Variants in MAPKBP1 observed in about 807,000 individuals in gnomAD.
The protein encoded by MAPKBP1 is mitogen-activated protein kinase binding protein 1, also known as mitogen-activated protein kinase-binding protein 1.
In MAPKBP1, 71 loss-of-function variants were observed where a neutral mutation model predicts 170.5. The ratio of observed to expected loss-of-function variants is 0.42; its 90% CI spans 0.34 to 0.51. MAPKBP1 has a LOEUF of 0.51. MAPKBP1 is among the 20% of genes least tolerant of loss of function. MAPKBP1 has a pLI of 0.06. For synonymous variants in MAPKBP1, 719 were observed against 757.9 expected, an observed-to-expected ratio of 0.95 and a Z score of 0.84; for missense variants, 1,598 against 1,933.0, an observed-to-expected ratio of 0.83 and a Z score of 3.25.
chr15:41,775,006 C>CT, intron 1 of MAPKBP1, 161 bp from the exon 2 acceptor site: 1 of 463,718 alleles, frequency 2.2e-6, no homozygotes, highest in East Asian at 3.4e-5. Context: ...TTTTCCCCCC[C>CT]TTTTTCGTGA....
intron 6 of MAPKBP1, among the ~76,000 whole-genome samples, 178 bp from the exon 7 acceptor site, chr15:41,812,338 G>A (rs760323789): frequency 6.6e-6 from 1 of 152,196 alleles, no homozygotes; most frequent in Non-Finnish European, 1.5e-5. Context: ...TGCAGGAAAC[G>A]AATCTTTTCA....
chr15:41,775,421 A>G, intron 2 of MAPKBP1, 32 bp downstream of exon 2: 1 of 1,494,638 alleles, frequency 6.7e-7, no homozygotes, highest in Non-Finnish European at 9.3e-7. Flanking sequence ...CTCTTTCCAA[A>G]CCCACCCTCT....
At chr15:41,785,662 C>T (rs965124249) in intron 2 of MAPKBP1, among the ~76,000 whole-genome samples, 18 of 151,744 alleles carry the variant, frequency 1.2e-4, no homozygotes, top group East Asian at 3.9e-4. Context: ...TTAAATAACC[C>T]GTTATTTAAG....
At chr15:41,802,727 G>T (rs1415204227) in intron 3 of MAPKBP1, among the ~76,000 whole-genome samples, 1 of 152,178 alleles carries the variant, frequency 6.6e-6, no homozygotes, top group African/African-American at 2.4e-5. Context: ...GCCCTCCTTG[G>T]CCTCCCAAAG....
At chr15:41,814,795 T>A in intron 10 of MAPKBP1, 56 bp downstream of exon 10, 1 of 1,588,492 alleles carries the variant, frequency 6.3e-7, no homozygotes, top group Non-Finnish European at 8.6e-7. Context: ...GATACCATTT[T>A]GAGGACAGAA....
intron 8 of MAPKBP1, 185 bp downstream of exon 8, chr15:41,813,286 T>G (rs1281353527): frequency 6.5e-7 from 1 of 1,527,314 alleles, no homozygotes; most frequent in Admixed American, 1.7e-5. Flanking sequence ...CTGCCTCCTC[T>G]CTGCTCTTTC....
Position 41,819,399 on chromosome 15 carries a change from G to T in MAPKBP1, c.2425+20G>T. 6.2e-7 allele frequency: 1 copy of T among 1,613,234 alleles called. No individual in the cohort carries two copies. The highest frequency in any genetic ancestry group is 2.2e-5 in the East Asian group (1 of 44,872). On this transcript the variant is annotated intron_variant, in intron 21 of 30. Coordinates refer to ENST00000457542, the MANE Select transcript of MAPKBP1 (RefSeq NM_014994.3). ...CACTGGGTCTGTGGCAGTTGGGTGT[G>T]GGGGCAGACAGGCCCTAGTTGGTAT...
intron 8 of MAPKBP1, 127 bp downstream of exon 8, chr15:41,813,228 G>A (rs1305187863): frequency 2.0e-6 from 3 of 1,508,616 alleles, no homozygotes; most frequent in East Asian, 2.3e-5. Context: ...AACGAAGCTT[G>A]GGGGAGCTAG....
Position 41,823,812 on chromosome 15 carries a change from C to A in MAPKBP1, c.3964C>A (p.Pro1322Thr). Residue 1322 changes from proline to threonine, a missense_variant, in exon 29 of 31, where the codon CCT (proline) becomes ACT (threonine). Around this residue, in one of 6 missense-constraint regions of MAPKBP1, gnomAD observed 942 missense variants for 953.2 expected, o/e 0.99. Coordinates refer to ENST00000457542, the MANE Select transcript of MAPKBP1 (RefSeq NM_014994.3). Reference protein sequence around the residue: ...KGRAPGEAEKPGFPVGLGKAH... With the variant: ...KGRAPGEAEKTGFPVGLGKAH... ...CCGGGCCCCTGGCGAGGCAGAAAAG[C>A]CTGGCTTCCCGGTGGGCCTAGGAAA... 1 of 1,614,236 alleles carries A rather than the reference C, an allele frequency of 6.2e-7. No individual in the cohort carries two copies. The highest frequency in any genetic ancestry group is 8.5e-7 in the Non-Finnish European group (1 of 1,180,036).
At chr15:41,802,394 A>G (rs1306783757) in intron 3 of MAPKBP1, among the ~76,000 whole-genome samples, 1 of 152,128 alleles carries the variant, frequency 6.6e-6, no homozygotes, top group Non-Finnish European at 1.5e-5. Flanking sequence ...CATTTTATAA[A>G]CTTTTTTTTT....
At chr15:41,808,173 T>A (rs1254788548) in intron 3 of MAPKBP1, among the ~76,000 whole-genome samples, 2 of 146,962 alleles carry the variant, frequency 1.4e-5, no homozygotes, top group Non-Finnish European at 3.0e-5. Context: ...ATGGCGTGAT[T>A]TTGGCTTGCT....
Position 41,821,075 on chromosome 15 carries a change from C to T in MAPKBP1, c.2718+7C>T. 1.2e-6 allele frequency: 2 copies of T among 1,612,566 alleles called. No individual in the cohort carries two copies. Among genetic ancestry groups the T allele is most frequent in the Non-Finnish European group, 1.7e-6 (2 of 1,178,968 alleles). The stretch of plus-strand genomic sequence containing the variant: ...GACTTCACTCACTAGCCAGGTGAGC[C>T]TGCTTTCTCCCAGCTCTCTAGAGAG... On this transcript the variant is annotated splice_region_variant and intron_variant, in intron 23 of 30. Transcript: ENST00000457542.
At position 41,823,894 on chromosome 15, in the gene MAPKBP1, C is replaced by G. The variant is rs1334766853; in HGVS notation, c.4046C>G (p.Pro1349Arg). ...ACLGEGTTPK[P>R]RTECQAHPGP... ...TTGGGGGAGGGCACCACTCCCAAGC[C>G]TAGGACAGAGTGCCAGGCTCATCCT... The change falls in exon 29 of 31, where the codon CCT becomes CGT. Residue 1349 changes from proline (P) to arginine (R), a missense_variant. Around this residue, in one of 6 missense-constraint regions of MAPKBP1, gnomAD observed 942 missense variants for 953.2 expected, o/e 0.99. Transcript: ENST00000457542. The G allele has an allele frequency of 2.2e-5, 36 of 1,614,186 alleles. No homozygotes were observed. The highest frequency in any genetic ancestry group is 3.0e-5 in the Non-Finnish European group (35 of 1,180,028).
chr15:41,819,557 G>GGGGGCCCCCCCC, intron 21 of MAPKBP1, 38 bp from the exon 22 acceptor site: 2 of 1,384,618 alleles, frequency 1.4e-6, no homozygotes, highest in Non-Finnish European at 1.0e-6. Context: ...CGGGGGGGGG[G>GGGGGCCCCCCCC]CAGGAGACAC....
intron 2 of MAPKBP1, among the ~76,000 whole-genome samples, chr15:41,777,349 A>G (rs1479165756): frequency 6.6e-6 from 1 of 151,894 alleles, no homozygotes; most frequent in Non-Finnish European, 1.5e-5. Flanking sequence ...TCAAAAAAAA[A>G]AAAAAAAGGA....
intron 2 of MAPKBP1, among the ~76,000 whole-genome samples, chr15:41,775,787 T>C (rs1022490516): frequency 4.6e-5 from 7 of 152,244 alleles, no homozygotes; most frequent in African/African-American, 1.7e-4. Flanking sequence ...GCTGGGGTTA[T>C]GTAAGACTGT....
At position 41,822,678 on chromosome 15, in the gene MAPKBP1, G is replaced by T. The variant is rs2065020080; in HGVS notation, c.3314+1G>T. On this transcript the variant is annotated splice_donor_variant, in intron 27 of 30. Transcript: ENST00000457542. LOFTEE classifies it high-confidence loss of function. ...TGCAAGTACAGACCCGCCCACTCAG[G>T]TACAGAGGCCCCCTACCCCCCAGCA... The T allele has an allele frequency of 6.2e-7, 1 of 1,613,888 alleles. No homozygotes were observed. Among genetic ancestry groups the T allele is most frequent in the Non-Finnish European group, 8.5e-7 (1 of 1,179,972 alleles).
At position 41,819,395 on chromosome 15, in the gene MAPKBP1, G is replaced by A; in HGVS notation, c.2425+16G>A. On this transcript the variant is annotated intron_variant, in intron 21 of 30. Coordinates refer to ENST00000457542, the MANE Select transcript of MAPKBP1 (RefSeq NM_014994.3). ...AAGGCACTGGGTCTGTGGCAGTTGGGTGTGGGGGCAGACAGGCCCTAGTTG... is the reference window on the plus strand; with the variant it reads ...AAGGCACTGGGTCTGTGGCAGTTGGATGTGGGGGCAGACAGGCCCTAGTTG... 12 of 1,613,454 alleles carry A rather than the reference G, an allele frequency of 7.4e-6. No homozygotes were observed. Among genetic ancestry groups the A allele is most frequent in the Non-Finnish European group, 1.0e-5 (12 of 1,179,674 alleles).
chr15:41,822,875 G>T lies in MAPKBP1; in HGVS notation c.3315-64G>T, dbSNP rs569567221. ...AGTGCCCTGGTGCTATGAGTTTCTC[G>T]CCATTTTGGCAGGGAGGAGCATTGA... On this transcript the variant is annotated intron_variant, in intron 27 of 30. Coordinates refer to ENST00000457542, the MANE Select transcript of MAPKBP1 (RefSeq NM_014994.3). 5.2e-6 allele frequency: 8 copies of T among 1,543,262 alleles called. No individual in the cohort carries two copies. In the South Asian group the frequency reaches 8.6e-5, roughly 17 times the overall value.
Sources: allele counts gnomAD v4.1 joint callset (sites outside exome capture counted in the v4.1 genomes callset), GRCh38; gene constraint gnomAD v4.1.1; regional missense constraint gnomAD v4.1.1; transcripts MANE v1.5; gene names NCBI Gene and HGNC (gene_info 2026-07-23, HGNC 2026-07-21).